The following MCM3AP variants were observed in gnomAD, a reference collection of about 807,000 sequenced individuals.
MCM3AP encodes germinal-center associated nuclear protein.
In MCM3AP, 126 loss-of-function variants were observed where a neutral mutation model predicts 184.1. That is an observed-to-expected ratio of 0.68 (90% CI 0.59 to 0.79). The LOEUF (loss-of-function observed/expected upper bound fraction) is 0.79. MCM3AP is among the 30% of genes least tolerant of loss of function. The pLI is 0.00. For missense variants in MCM3AP, 2,496 were observed against 2,479.2 expected (o/e 1.01, Z -0.14); for synonymous variants, 1,002 against 979.3 (o/e 1.02, Z -0.43).
chr21:46,246,924 T>A, intron 20 of MCM3AP, 38 bp from the exon 21 acceptor site: 1 of 1,602,496 alleles, frequency 6.2e-7, no homozygotes, highest in Non-Finnish European at 8.5e-7. Flanking sequence ...AGATGCACCA[T>A]GGGACGCATC....
Position 46,265,505 on chromosome 21 carries a change from T to C in MCM3AP, c.3050A>G (p.Glu1017Gly). ...GGGTGCATCCGGCTCTACACCACAC[T>C]CCTCTCCTCTCCCTCCGCCTGGAAG... ...SDTVGGGRGE[E>G]CGVEPDAPLS... is the part of the protein sequence containing the mutation. Residue 1017 changes from glutamate (E) to glycine (G), a missense_variant, in exon 12 of 28, where the codon GAG (glutamate) becomes GGG (glycine). This residue lies in a region of MCM3AP where 1,323 missense variants were observed against 1,273.4 expected (regional missense o/e 1.04). Transcript: ENST00000291688. 2 of 1,599,124 alleles carry C rather than the reference T, an allele frequency of 1.3e-6. No homozygotes were observed. The highest frequency in any genetic ancestry group is 1.8e-5 in the Admixed American group (1 of 57,140).
At chr21:46,255,623 A>G (rs577311023) in intron 17 of MCM3AP, among the ~76,000 whole-genome samples, 1 of 152,002 alleles carries the variant, frequency 6.6e-6, no homozygotes, top group Non-Finnish European at 1.5e-5. Context: ...GGGTGGGGAA[A>G]AATCAGGTTT....
rs773856378 is a variant in MCM3AP at position 46,283,717 on chromosome 21, G to A, written c.1341C>T (p.Asn447=). Residue 447 remains asparagine, a synonymous_variant, in exon 2 of 28, where the codon AAC becomes AAT. Transcript: ENST00000291688. ...IQCKNIPDYL[N]DRTILENHFG... is the part of the protein sequence containing the mutation. ...AATGGTTCTCCAGAATGGTCCTGTC[G>A]TTGAGGTAGTCAGGGATGTTCTTGC... The A allele has an allele frequency of 3.1e-6, 5 of 1,613,886 alleles. No individual in the cohort carries two copies. Among genetic ancestry groups the A allele is most frequent in the South Asian group, 1.1e-5 (1 of 91,078 alleles).
intron 26 of MCM3AP, among the ~76,000 whole-genome samples, chr21:46,239,692 C>G (rs559675785): frequency 1.8e-4 from 27 of 152,268 alleles, no homozygotes; most frequent in African/African-American, 6.0e-4. Flanking sequence ...GTTTGAGATA[C>G]AAATTTGGAG....
At chr21:46,248,168 A>G (rs1349253544) in intron 20 of MCM3AP, among the ~76,000 whole-genome samples, 1 of 152,194 alleles carries the variant, frequency 6.6e-6, no homozygotes, top group Non-Finnish European at 1.5e-5. Context: ...TGCAGACACC[A>G]GGAGCCAAAG....
chr21:46,253,543 G>A (rs1288720748), intron 19 of MCM3AP: 1 of 152,228 alleles, frequency 6.6e-6, no homozygotes, highest in Non-Finnish European at 1.5e-5. Flanking sequence ...GCTCTCACGA[G>A]ATCTGGTTAA....
intron 6 of MCM3AP, 44 bp from the exon 7 acceptor site, chr21:46,273,629 T>C: frequency 6.5e-7 from 1 of 1,542,162 alleles, no homozygotes; most frequent in Non-Finnish European, 8.9e-7. Context: ...TGGCATACCT[T>C]GGGCCAGGCA....
chr21:46,235,657 T>C (rs1055713311), intron 27 of MCM3AP, among the ~76,000 whole-genome samples: 6 of 152,334 alleles, frequency 3.9e-5, no homozygotes, highest in South Asian at 2.1e-4. Context: ...ATGAACAATT[T>C]CCAGTGTCAG....
Position 46,261,545 on chromosome 21 carries a change from C to T in MCM3AP, c.3336-134G>A, listed in dbSNP as rs187692156. The T allele has an allele frequency of 4.9e-4, 367 of 751,126 alleles. 2 individuals carry two copies. The East Asian group carries it at 5.0e-3, about 10-fold the overall frequency. 46.5% of individuals were successfully genotyped at this position (751,126 alleles called of 1,614,324 possible). On this transcript the variant is annotated intron_variant, in intron 13 of 27. Transcript: ENST00000291688. Reference sequence around the variant, plus strand: ...GTCAGAAGATCAAGACCATTCTGGCCAACACAGTGAAACCCCATCTCTACT... The same window carrying T: ...GTCAGAAGATCAAGACCATTCTGGCTAACACAGTGAAACCCCATCTCTACT...
Position 46,272,542 on chromosome 21 carries a change from T to TTTGGATGTGAAAATTCACC in MCM3AP, c.2465_2465+18dup. 1 of 1,608,426 alleles carries TTTGGATGTGAAAATTCACC rather than the reference T, an allele frequency of 6.2e-7. No homozygotes were observed. The highest frequency in any genetic ancestry group is 8.5e-7 in the Non-Finnish European group (1 of 1,176,682). ...CCTTTTCAGCCACCTTAGGACAACT[T>TTTGGATGTGAAAATTCACC]TTGGATGTGAAAATTCACCTTAGGA... is the stretch of plus-strand genomic sequence containing the variant. On this transcript the variant is annotated intron_variant, in intron 8 of 27. Coordinates refer to ENST00000291688, the MANE Select transcript of MCM3AP (RefSeq NM_003906.5).
chr21:46,267,378 G>C (rs2081126731), intron 9 of MCM3AP: 1 of 507,866 alleles, frequency 2.0e-6, no homozygotes, highest in Non-Finnish European at 3.5e-6. Context: ...AGGATGGCTT[G>C]TGAAGGTTTT....
rs181346018 is a variant in MCM3AP, at chr21:46,254,062, A to T, written c.4136+330T>A. 1.1e-3 allele frequency: 354 copies of T among 331,628 alleles called. 2 individuals carry two copies. Among genetic ancestry groups the T allele is most frequent in the Admixed American group, 1.5e-3 (35 of 22,648 alleles). The allele number at this position is 331,628 out of a possible 1,614,324, so 20.5% of individuals were successfully genotyped here. On this transcript the variant is annotated intron_variant, in intron 19 of 27. Coordinates refer to ENST00000291688, the MANE Select transcript of MCM3AP (RefSeq NM_003906.5). Reference sequence around the variant, plus strand: ...TCCCTCCCCTTAGCCTTCCACCATGATTGTGGGTTTCCTGAGGCCTCCCCA... The same window carrying T: ...TCCCTCCCCTTAGCCTTCCACCATGTTTGTGGGTTTCCTGAGGCCTCCCCA...
In MCM3AP at chr21:46,251,737, A is replaced by G. The variant is rs2080872747; in HGVS notation, c.4137-55T>C. 8.9e-6 allele frequency: 10 copies of G among 1,121,208 alleles called. No individual in the cohort carries two copies. The Admixed American group carries it at 1.2e-4, about 14-fold the overall frequency. The allele number at this position is 1,121,208 out of a possible 1,614,324, so 69.5% of individuals were successfully genotyped here. On this transcript the variant is annotated intron_variant, in intron 19 of 27. Transcript: ENST00000291688. ...AAAAACACTTGAAGAATCTAATTCT[A>G]TATTTGAATTATAAAGACTTTCAGG...
At chr21:46,246,217 G>A in intron 22 of MCM3AP, 90 bp downstream of exon 22, 2 of 785,270 alleles carry the variant, frequency 2.5e-6, no homozygotes, top group Non-Finnish European at 4.4e-6. Flanking sequence ...AAAAGACAAT[G>A]CAAACGCTAA....
intron 6 of MCM3AP, among the ~76,000 whole-genome samples, chr21:46,274,943 A>C (rs907474019): frequency 3.0e-4 from 46 of 150,934 alleles, no homozygotes; most frequent in African/African-American, 1.1e-3. Flanking sequence ...TGTCTCAAAA[A>C]AAAAAAAAAA....
At chr21:46,274,711 A>T (rs777726231) in intron 6 of MCM3AP, among the ~76,000 whole-genome samples, 6 of 152,114 alleles carry the variant, frequency 3.9e-5, no homozygotes, top group Non-Finnish European at 7.4e-5. Context: ...GGAGGTGGGC[A>T]GATGACTTGA....
In MCM3AP at chr21:46,258,950, C is replaced by T; in HGVS notation, c.3723G>A (p.Lys1241=). The change falls in exon 16 of 28, where the codon AAG becomes AAA. Residue 1241 remains lysine, a synonymous_variant. Coordinates refer to ENST00000291688, the MANE Select transcript of MCM3AP (RefSeq NM_003906.5). ...ETLQELQCFC[K]YLQRWREAVT... The stretch of plus-strand genomic sequence containing the variant: ...AACACAGGACTCACCGCTGTAGATA[C>T]TTGCAGAAGCACTGAAGCTCCTGGA... 1.2e-6 allele frequency: 2 copies of T among 1,614,192 alleles called. No homozygotes were observed. The highest frequency in any genetic ancestry group is 1.7e-6 in the Non-Finnish European group (2 of 1,180,044).
rs1254340346 is a variant in MCM3AP, at chr21:46,284,242, T to G, written c.1045A>C (p.Asn349His). Residue 349 changes from asparagine (N) to histidine (H), a missense_variant, in exon 1 of 28, where the codon AAT becomes CAT. Asn to His is a moderately conservative substitution (Grantham distance 68). Coordinates refer to ENST00000291688, the MANE Select transcript of MCM3AP (RefSeq NM_003906.5). ...TTGCCCAGACGACCTACTTCCTTAT[T>G]GCTTTTGAAAACATCCTGTATCGTC... ...GRTIQDVFKS[N>H]KEVGRLGNKE... 1 of 1,614,184 alleles carries G rather than the reference T, an allele frequency of 6.2e-7. No individual in the cohort carries two copies. The highest frequency in any genetic ancestry group is 8.5e-7 in the Non-Finnish European group (1 of 1,180,030).
At chr21:46,265,670 C>T in intron 11 of MCM3AP, 147 bp from the exon 12 acceptor site, 1 of 758,658 alleles carries the variant, frequency 1.3e-6, no homozygotes, top group South Asian at 2.0e-5. Flanking sequence ...CTACGTGGGA[C>T]AACATACGCT....
Sources: allele counts gnomAD v4.1 joint callset (sites outside exome capture counted in the v4.1 genomes callset), GRCh38; gene constraint gnomAD v4.1.1; regional missense constraint gnomAD v4.1.1; transcripts MANE v1.5; gene names NCBI Gene and HGNC (gene_info 2026-07-23, HGNC 2026-07-21).